Variants in TRMT11 observed in about 807,000 individuals in gnomAD.
The protein encoded by TRMT11 is tRNA methyltransferase 11, also known as tRNA (guanine(10)-N(2))-methyltransferase TRMT11.
In TRMT11, 53 loss-of-function variants were observed where a neutral mutation model predicts 62.8. The observed-to-expected ratio is 0.84, with a 90% CI of 0.68 to 1.06. The LOEUF (loss-of-function observed/expected upper bound fraction) is 1.06, where lower values mean the gene tolerates loss of function less well. Among genes scored for constraint, TRMT11 ranks in the 50% least tolerant of loss-of-function variants. The probability of loss-of-function intolerance (pLI) is 0.00; values close to 1 mark genes in which losing one functional copy is unlikely to be tolerated. For synonymous variants in TRMT11, 188 were observed against 190.3 expected (o/e 0.99, Z 0.10); for missense variants, 556 against 553.4 (o/e 1.00, Z -0.05).
intron 1 of TRMT11, among the ~76,000 whole-genome samples, chr6:126,190,632 C>G (rs1043720616): frequency 1.3e-5 from 2 of 152,118 alleles, no homozygotes; most frequent in Non-Finnish European, 1.5e-5. Context: ...ACCATGATTT[C>G]AGTCTCCACC....
the TRMT11 span, among the ~76,000 whole-genome samples, chr6:126,230,545 T>C: frequency 6.6e-6 from 1 of 152,232 alleles, no homozygotes; most frequent in Non-Finnish European, 1.5e-5. Flanking sequence ...AGCAATGTTC[T>C]CTATGCATCT....
intron 7 of TRMT11, among the ~76,000 whole-genome samples, chr6:126,002,529 C>G (rs893978164): frequency 6.6e-6 from 1 of 152,138 alleles, no homozygotes; most frequent in Non-Finnish European, 1.5e-5. Flanking sequence ...GTTCTTCACC[C>G]TAAGGGGCAG....
chr6:125,996,362 A>T (rs1171120545), intron 3 of TRMT11, among the ~76,000 whole-genome samples: 1 of 152,236 alleles, frequency 6.6e-6, no homozygotes, highest in African/African-American at 2.4e-5. Flanking sequence ...AGTGCTGAAA[A>T]TCCAAAAATA....
chr6:126,010,609 C>A (rs572118076), intron 8 of TRMT11, among the ~76,000 whole-genome samples: 2 of 152,156 alleles, frequency 1.3e-5, no homozygotes, highest in Admixed American at 1.3e-4. Flanking sequence ...CACTGCGTAT[C>A]TTTTTCTGAA....
chr6:126,098,022 C>A (rs988168324), intron 17 of TRMT11, among the ~76,000 whole-genome samples: 1 of 152,124 alleles, frequency 6.6e-6, no homozygotes, highest in Admixed American at 6.5e-5. Flanking sequence ...TCTTCCAGAA[C>A]ACTAACTGGA....
At chr6:126,121,512 G>A (rs1777649274) in intron 21 of TRMT11, among the ~76,000 whole-genome samples, 1 of 152,022 alleles carries the variant, frequency 6.6e-6, no homozygotes, top group Admixed American at 6.6e-5. Flanking sequence ...GAAAGAACTG[G>A]GTTTGAAGCT....
At chr6:126,193,596 C>T (rs892978843) in intron 1 of TRMT11, among the ~76,000 whole-genome samples, 1 of 149,854 alleles carries the variant, frequency 6.7e-6, no homozygotes, top group Non-Finnish European at 1.5e-5. Context: ...AGGTTCACGC[C>T]ATTCTCCTGC....
chr6:126,070,159 T>G (rs966988310), intron 17 of TRMT11, among the ~76,000 whole-genome samples: 1 of 152,232 alleles, frequency 6.6e-6, no homozygotes, highest in African/African-American at 2.4e-5. Flanking sequence ...GAGACAGTGC[T>G]TGAGGTGTGC....
chr6:126,069,946 A>G (rs1191590364), intron 17 of TRMT11, among the ~76,000 whole-genome samples: 1 of 151,760 alleles, frequency 6.6e-6, no homozygotes, highest in African/African-American at 2.4e-5. Context: ...GAAGAGTCAC[A>G]TAGAAGAGTT....
chr6:126,238,850 CT>C, the TRMT11 span, among the ~76,000 whole-genome samples: 1 of 152,094 alleles, frequency 6.6e-6, no homozygotes, highest in African/African-American at 2.4e-5. Flanking sequence ...GAGTCTAAGT[CT>C]TTTGTAGGTC....
intron 1 of TRMT11, among the ~76,000 whole-genome samples, chr6:125,992,760 G>A (rs1790831087): frequency 6.6e-6 from 1 of 152,162 alleles, no homozygotes; most frequent in South Asian, 2.1e-4. Context: ...TCAGATTTGT[G>A]TTTTCCTTGC....
At chr6:126,241,830 C>A in the TRMT11 span, among the ~76,000 whole-genome samples, 1 of 152,158 alleles carries the variant, frequency 6.6e-6, no homozygotes, top group Non-Finnish European at 1.5e-5. Flanking sequence ...CAATATCATA[C>A]TGAATGGGCA....
chr6:126,029,866 A>G (rs1467776268), intron 12 of TRMT11, among the ~76,000 whole-genome samples: 1 of 152,194 alleles, frequency 6.6e-6, no homozygotes, highest in Non-Finnish European at 1.5e-5. Context: ...TTGTCATGAT[A>G]AGGACTAATA....
chr6:126,107,244 C>G (rs1777474530), intron 17 of TRMT11, among the ~76,000 whole-genome samples: 1 of 152,092 alleles, frequency 6.6e-6, no homozygotes, highest in African/African-American at 2.4e-5. Context: ...AATTTCCTTC[C>G]TGACAGTTGT....
intron 1 of TRMT11, among the ~76,000 whole-genome samples, chr6:126,187,758 G>C (rs970819170): frequency 1.3e-5 from 2 of 151,772 alleles, no homozygotes; most frequent in African/African-American, 2.4e-5. Context: ...TGAGGTGATG[G>C]GGTAAAGATA....
chr6:126,016,701 A>AT (rs11424732), intron 11 of TRMT11, among the ~76,000 whole-genome samples: 46,879 of 146,764 alleles, frequency 0.32, 10,834 homozygotes, highest in African/African-American at 0.66. Flanking sequence ...TGTTTTAGGG[A>AT]TTTTTTTTTT....
chr6:126,077,899 G>A (rs190782843), intron 17 of TRMT11, among the ~76,000 whole-genome samples: 1 of 152,276 alleles, frequency 6.6e-6, no homozygotes, highest in East Asian at 1.9e-4. Context: ...GAGAGTCAGA[G>A]ATCCTTCTGG....
At chr6:126,144,529 T>A (rs540726018) in intron 21 of TRMT11, among the ~76,000 whole-genome samples, 1 of 152,290 alleles carries the variant, frequency 6.6e-6, no homozygotes, top group East Asian at 1.9e-4. Context: ...GCCACTGTTA[T>A]GACTAAAAAG....
At chr6:126,214,330 A>G in the TRMT11 span, among the ~76,000 whole-genome samples, 1 of 151,936 alleles carries the variant, frequency 6.6e-6, no homozygotes, top group East Asian at 1.9e-4. Flanking sequence ...TTCTTTAAAT[A>G]TCTGGTAAAA....
Sources: gnomAD v4.1 joint callset for allele counts (sites outside exome capture counted in the v4.1 genomes callset) on GRCh38, gnomAD v4.1.1 for gene constraint, MANE v1.5 for transcripts, NCBI Gene and HGNC (gene_info 2026-07-23, HGNC 2026-07-21) for gene names.